Variants in DMD observed in about 807,000 individuals in gnomAD.
DMD encodes the protein dystrophin.
A neutral mutation model predicts 330.1 loss-of-function variants in DMD; 63 were observed. The ratio of observed to expected loss-of-function variants is 0.19; its 90% CI spans 0.16 to 0.24. The LOEUF is 0.24. DMD is among the 10% of genes least tolerant of loss of function. The probability of loss-of-function intolerance (pLI) is 1.00; values close to 1 mark genes in which losing one functional copy is unlikely to be tolerated. For synonymous variants in DMD, 1,223 were observed against 959.8 expected (o/e 1.27, Z -5.07); for missense variants, 3,344 against 2,684.1 (o/e 1.25, Z -5.43).
Position 32,123,835 on chromosome X carries a change from C to T in DMD, c.6438+93081G>A, listed in dbSNP as rs182990501. Among the ~76,000 whole-genome samples, 258 of 112,046 alleles carry T rather than the reference C, an allele frequency of 2.3e-3. 1 individual carries two copies. The highest frequency in any genetic ancestry group is 4.4e-3 in the Admixed American group (46 of 10,574). On this transcript the variant is annotated intron_variant, in intron 44 of 78. Transcript: ENST00000357033. ...AAGGAAATAGACTGTACACTTTATT[C>T]TCGATTGGTAGAAATTTTATGGTGT...
intron 7 of DMD, among the ~76,000 whole-genome samples, chrX:32,790,135 T>C (rs1358374311): frequency 8.9e-6 from 1 of 111,748 alleles, no homozygotes; most frequent in African/African-American, 3.3e-5. Flanking sequence ...GTTACTCACC[T>C]CTTCCATGGA....
intron 60 of DMD, among the ~76,000 whole-genome samples, chrX:31,362,964 AAAAC>A (rs1052201803): frequency 1.1e-4 from 12 of 112,079 alleles, no homozygotes; most frequent in African/African-American, 1.9e-4. Context: ...AACAAAAACA[AAAAC>A]AAACAAACAA....
intron 2 of DMD, among the ~76,000 whole-genome samples, chrX:32,902,150 CACACACAA>C (rs58746044): frequency 0.016 from 1,156 of 74,564 alleles, 53 homozygotes; most frequent in African/African-American, 0.06. Context: ...AAGCATCACA[CACACACAA>C]ACACACACAC....
chrX:31,478,786 T>C (rs1446109170), intron 58 of DMD, among the ~76,000 whole-genome samples, 197 bp downstream of exon 58: 1 of 112,316 alleles, frequency 8.9e-6, no homozygotes, highest in African/African-American at 3.2e-5. Context: ...TGTTTATTTA[T>C]GAATGCACAA....
At chrX:33,060,642 G>C (rs2094571512) in intron 1 of DMD, among the ~76,000 whole-genome samples, 1 of 110,442 alleles carries the variant, frequency 9.1e-6, no homozygotes. Flanking sequence ...AGACCAGCCT[G>C]ACCAACATAG....
intron 44 of DMD, among the ~76,000 whole-genome samples, chrX:32,143,887 C>A (rs930560543): frequency 2.7e-5 from 3 of 109,917 alleles, no homozygotes; most frequent in Non-Finnish European, 5.7e-5. Context: ...CTACTAGATA[C>A]TGAAGACTGT....
rs1557305615 is a variant in DMD at position 32,365,109 on chromosome X, CCTT to C, written c.4933_4935del (p.Lys1645del). On this transcript the variant is annotated inframe_deletion, in exon 35 of 79. Coordinates refer to ENST00000357033, the MANE Select transcript of DMD (RefSeq NM_004006.3). Reference sequence around the variant, plus strand: ...CTGAGTTTATCTTCCACCAACGTCTCCTTCTTGCCCAAAACTGTTTTCAAGGCC... The same window carrying C: ...CTGAGTTTATCTTCCACCAACGTCTCCTTGCCCAAAACTGTTTTCAAGGCC... 8.3e-7 allele frequency: 1 copy of C among 1,210,885 alleles called. No homozygotes were observed. The highest frequency in any genetic ancestry group is 1.7e-5 in the African/African-American group (1 of 57,671).
intron 1 of DMD, among the ~76,000 whole-genome samples, chrX:33,124,862 T>C (rs980909291): frequency 1.9e-5 from 2 of 107,572 alleles, no homozygotes; most frequent in African/African-American, 3.4e-5. Flanking sequence ...CCGTCTCTCC[T>C]AAAAATACAA....
chrX:32,223,396 A>G (rs2097137738), intron 43 of DMD, among the ~76,000 whole-genome samples: 1 of 111,904 alleles, frequency 8.9e-6, no homozygotes, highest in African/African-American at 3.2e-5. Flanking sequence ...GTACTAGCAC[A>G]TTATCGACAC....
intron 12 of DMD, among the ~76,000 whole-genome samples, chrX:32,613,070 A>T (rs2057296917): frequency 2.7e-5 from 3 of 112,028 alleles, no homozygotes; most frequent in African/African-American, 9.7e-5. Context: ...TTCCTATTCA[A>T]AGCCATAAAT....
At chrX:31,902,747 A>G (rs2094437895) in intron 47 of DMD, among the ~76,000 whole-genome samples, 1 of 111,947 alleles carries the variant, frequency 8.9e-6, no homozygotes, top group African/African-American at 3.2e-5. Context: ...TCCAAGAATT[A>G]CATCCCGTAT....
At chrX:33,195,678 T>A (rs2050886922) in intron 1 of DMD, among the ~76,000 whole-genome samples, 1 of 110,429 alleles carries the variant, frequency 9.1e-6, no homozygotes, top group East Asian at 2.8e-4. Context: ...TACAATATAT[T>A]GAGTACACTG....
At chrX:33,148,536 C>G (rs2048132593) in intron 1 of DMD, among the ~76,000 whole-genome samples, 1 of 111,552 alleles carries the variant, frequency 9.0e-6, no homozygotes, top group African/African-American at 3.3e-5. Flanking sequence ...AGAGAACGAA[C>G]AAGAATGTTT....
chrX:32,646,201 G>T (rs1045291331), intron 9 of DMD, among the ~76,000 whole-genome samples: 3 of 111,600 alleles, frequency 2.7e-5, no homozygotes, highest in African/African-American at 9.8e-5. Context: ...CAAGTGACAG[G>T]AGAGGCTTCT....
intron 44 of DMD, among the ~76,000 whole-genome samples, chrX:32,199,467 A>G (rs1401456376): frequency 9.0e-6 from 1 of 110,634 alleles, no homozygotes; most frequent in Non-Finnish European, 1.9e-5. Context: ...GTGCAGTCTG[A>G]TGACTCACGG....
chrX:32,366,984 T>C (rs1329035359), intron 34 of DMD, among the ~76,000 whole-genome samples: 1 of 112,132 alleles, frequency 8.9e-6, no homozygotes, highest in African/African-American at 3.2e-5. Context: ...CAGGTGAGCT[T>C]AGCAATTCAT....
At chrX:32,277,997 C>T (rs1055050670) in intron 43 of DMD, among the ~76,000 whole-genome samples, 1 of 110,636 alleles carries the variant, frequency 9.0e-6, no homozygotes, top group African/African-American at 3.3e-5. Flanking sequence ...ATAAAGAAAA[C>T]ATACAAAAAG....
chrX:32,024,728 T>C (rs959013640), intron 44 of DMD, among the ~76,000 whole-genome samples: 1 of 111,004 alleles, frequency 9.0e-6, no homozygotes, highest in African/African-American at 3.3e-5. Flanking sequence ...CCTGAATTAA[T>C]GTAGAGAAAG....
intron 47 of DMD, among the ~76,000 whole-genome samples, chrX:31,877,173 T>C (rs1043691853): frequency 8.9e-6 from 1 of 112,192 alleles, no homozygotes; most frequent in Non-Finnish European, 1.9e-5. Flanking sequence ...GTAAACAATA[T>C]GTACAGTGAA....
Sources: gnomAD v4.1 joint callset for allele counts (sites outside exome capture counted in the v4.1 genomes callset) on GRCh38, gnomAD v4.1.1 for gene constraint, MANE v1.5 for transcripts, NCBI Gene and HGNC (gene_info 2026-07-23, HGNC 2026-07-21) for gene names.